PLA2G4A: variants seen among roughly 807,000 people sequenced by gnomAD.
PLA2G4A encodes the protein phospholipase A2 group IVA.
PLA2G4A carries 40 observed loss-of-function variants against 81.9 expected under a neutral mutation model. That is an observed-to-expected ratio of 0.49 (90% CI 0.38 to 0.64). The LOEUF (loss-of-function observed/expected upper bound fraction) is 0.64, where lower values mean the gene tolerates loss of function less well. Ranked by LOEUF, PLA2G4A falls within the 30% of genes least tolerant of loss-of-function variation. The pLI is 0.00. For synonymous variants in PLA2G4A, 302 were observed against 296.9 expected (o/e 1.02, Z -0.18); for missense variants, 715 against 905.1 (o/e 0.79, Z 2.69).
chr1:186,859,688 T>G (rs774328887), intron 2 of PLA2G4A, among the ~76,000 whole-genome samples: 4 of 152,142 alleles, frequency 2.6e-5, no homozygotes, highest in African/African-American at 4.8e-5. Context: ...TAGAAAGCTA[T>G]TATTCAGATT....
chr1:186,889,389 G>T (rs1026560738), intron 3 of PLA2G4A, among the ~76,000 whole-genome samples: 4 of 152,134 alleles, frequency 2.6e-5, no homozygotes, highest in African/African-American at 9.7e-5. Flanking sequence ...ATGAAGGTCG[G>T]GGTCTATGTT....
intron 13 of PLA2G4A, among the ~76,000 whole-genome samples, chr1:186,952,832 TTA>T (rs2102248350): frequency 6.6e-6 from 1 of 152,170 alleles, no homozygotes; most frequent in South Asian, 2.1e-4. Flanking sequence ...GATCTTTCAC[TTA>T]GTAGTGTGCA....
chr1:186,906,806 T>C (rs1311684413), intron 5 of PLA2G4A, among the ~76,000 whole-genome samples, 159 bp from the exon 6 acceptor site: 1 of 152,238 alleles, frequency 6.6e-6, no homozygotes, highest in Non-Finnish European at 1.5e-5. Context: ...AATACGCCTG[T>C]AGTTTAGGGT....
chr1:186,833,405 A>G (rs1269106002), intron 1 of PLA2G4A, among the ~76,000 whole-genome samples: 2 of 152,152 alleles, frequency 1.3e-5, no homozygotes, highest in Non-Finnish European at 2.9e-5. Flanking sequence ...TATTAAAAAG[A>G]AAAGTTTTGT....
intron 1 of PLA2G4A, among the ~76,000 whole-genome samples, chr1:186,849,339 G>T (rs1652295105): frequency 6.6e-6 from 1 of 152,144 alleles, no homozygotes; most frequent in South Asian, 2.1e-4. Context: ...TGCGTCAGTG[G>T]AATGAAAGGC....
At chr1:186,852,253 G>A (rs1342164664) in intron 1 of PLA2G4A, among the ~76,000 whole-genome samples, 1 of 151,992 alleles carries the variant, frequency 6.6e-6, no homozygotes, top group Non-Finnish European at 1.5e-5. Context: ...ATAAGTGGAT[G>A]TTAGATGGTC....
intron 1 of PLA2G4A, among the ~76,000 whole-genome samples, chr1:186,853,096 C>A (rs1010042111): frequency 3.3e-4 from 50 of 151,582 alleles, no homozygotes; most frequent in African/African-American, 1.1e-3. Context: ...GGTTGATGCA[C>A]CAGAATGAAG....
At chr1:186,860,178 T>G (rs1018447794) in intron 2 of PLA2G4A, among the ~76,000 whole-genome samples, 1 of 152,150 alleles carries the variant, frequency 6.6e-6, no homozygotes, top group Non-Finnish European at 1.5e-5. Flanking sequence ...GTGGTATTAA[T>G]TAATTTATTA....
At chr1:186,974,264 T>C (rs909555724) in intron 15 of PLA2G4A, among the ~76,000 whole-genome samples, 1 of 152,148 alleles carries the variant, frequency 6.6e-6, no homozygotes, top group African/African-American at 2.4e-5. Context: ...CAAGTCTTCT[T>C]AGTGGTGTTT....
At chr1:186,939,656 G>A (rs934390924) in intron 9 of PLA2G4A, among the ~76,000 whole-genome samples, 3 of 152,168 alleles carry the variant, frequency 2.0e-5, no homozygotes, top group Non-Finnish European at 2.9e-5. Flanking sequence ...TTGCATTGAT[G>A]TTTCGTTGAA....
At chr1:186,870,836 C>A in intron 3 of PLA2G4A, 5 of 760,770 alleles carry the variant, frequency 6.6e-6, no homozygotes, top group Non-Finnish European at 1.1e-5. Context: ...GAGGTTCTGC[C>A]TTCTTCAAAT....
At chr1:186,890,440 T>A (rs1654093988) in intron 3 of PLA2G4A, among the ~76,000 whole-genome samples, 1 of 152,258 alleles carries the variant, frequency 6.6e-6, no homozygotes, top group Non-Finnish European at 1.5e-5. Flanking sequence ...CTCGCTTTGT[T>A]GCTAAGTGTA....
At chr1:186,982,184 G>A (rs1035329982) in intron 17 of PLA2G4A, among the ~76,000 whole-genome samples, 1 of 152,168 alleles carries the variant, frequency 6.6e-6, no homozygotes, top group Non-Finnish European at 1.5e-5. Flanking sequence ...GCCATAAAGG[G>A]CAATCTTTCC....
chr1:186,950,998 T>G (rs1656542197), intron 13 of PLA2G4A, among the ~76,000 whole-genome samples: 1 of 152,216 alleles, frequency 6.6e-6, no homozygotes, highest in African/African-American at 2.4e-5. Flanking sequence ...AAATGCTGAA[T>G]TCTATTTTAA....
chr1:186,874,381 AG>A (rs1204461152), intron 3 of PLA2G4A, among the ~76,000 whole-genome samples: 2 of 151,336 alleles, frequency 1.3e-5, no homozygotes, highest in Non-Finnish European at 3.0e-5. Context: ...TTCTTTTAGA[AG>A]TGTTGGGGAA....
intron 2 of PLA2G4A, among the ~76,000 whole-genome samples, chr1:186,860,893 A>T (rs1652773087): frequency 6.6e-6 from 1 of 152,168 alleles, no homozygotes; most frequent in African/African-American, 2.4e-5. Context: ...TCCCAGTTCC[A>T]TATAGTCATA....
chr1:186,985,486 T>C (rs1368073250), intron 17 of PLA2G4A, among the ~76,000 whole-genome samples: 1 of 152,224 alleles, frequency 6.6e-6, no homozygotes, highest in African/African-American at 2.4e-5. Context: ...TCTCCTATAT[T>C]TGTAATTTTT....
rs538601538 is a variant in PLA2G4A, at chr1:186,988,232, G to T, written c.2119-145G>T. 186 of 564,816 alleles carry T rather than the reference G, an allele frequency of 3.3e-4. 3 individuals carry two copies. Among genetic ancestry groups the T allele is most frequent in the South Asian group, 2.4e-3 (122 of 51,880 alleles). The allele number at this position is 564,816 out of a possible 1,614,324, so 35.0% of individuals were successfully genotyped here. A position where few individuals can be genotyped will look rare whatever the true frequency, so the allele number is the denominator to read the frequency against. ...CAGTGGTGGGATGTTGAATTTAAAT[G>T]TGTATGCATGACTCGTAGATTTCTA... On this transcript the variant is annotated intron_variant, in intron 17 of 17. Transcript: ENST00000367466.
intron 14 of PLA2G4A, among the ~76,000 whole-genome samples, chr1:186,961,598 A>G (rs951403422): frequency 1.3e-5 from 2 of 152,212 alleles, no homozygotes; most frequent in Admixed American, 1.3e-4. Flanking sequence ...ATTGGTCCAC[A>G]TGATTTTCCC....
Sources: gnomAD v4.1 joint callset for allele counts (sites outside exome capture counted in the v4.1 genomes callset) on GRCh38, gnomAD v4.1.1 for gene constraint, MANE v1.5 for transcripts, NCBI Gene and HGNC (gene_info 2026-07-23, HGNC 2026-07-21) for gene names.